The following PPARGC1A variants were observed in gnomAD, a reference collection of about 807,000 sequenced individuals.
The protein encoded by PPARGC1A is PPARG coactivator 1 alpha, also known as peroxisome proliferator-activated receptor gamma coactivator 1-alpha.
A neutral mutation model predicts 88.7 loss-of-function variants in PPARGC1A; 25 were observed. That is an observed-to-expected ratio of 0.28 (90% confidence interval 0.21 to 0.39). The LOEUF (loss-of-function observed/expected upper bound fraction) is 0.39. Ranked by LOEUF, PPARGC1A falls within the 10% of genes least tolerant of loss-of-function variation. The pLI is 1.00. For missense variants in PPARGC1A, 880 were observed against 968.7 expected, an observed-to-expected ratio of 0.91 and a Z score of 1.22; for synonymous variants, 363 against 355.6, an observed-to-expected ratio of 1.02 and a Z score of -0.24.
chr4:23,941,461 C>G, the PPARGC1A span, among the ~76,000 whole-genome samples: 1 of 152,100 alleles, frequency 6.6e-6, no homozygotes, highest in Admixed American at 6.5e-5. Context: ...ATCTGTCAGA[C>G]TCGATCAGAT....
At chr4:24,204,282 G>A in the PPARGC1A span, among the ~76,000 whole-genome samples, 1 of 152,168 alleles carries the variant, frequency 6.6e-6, no homozygotes, top group East Asian at 1.9e-4. Context: ...ATTCCACATG[G>A]AGTATTAGAA....
chr4:23,850,428 A>G (rs900151740), intron 2 of PPARGC1A, among the ~76,000 whole-genome samples: 1 of 152,224 alleles, frequency 6.6e-6, no homozygotes, highest in Non-Finnish European at 1.5e-5. Context: ...AGGGAACTAA[A>G]AGTAAACTCC....
chr4:23,831,175 T>A (rs551721933), intron 3 of PPARGC1A, among the ~76,000 whole-genome samples: 1 of 152,190 alleles, frequency 6.6e-6, no homozygotes, highest in Non-Finnish European at 1.5e-5. Flanking sequence ...CATATGCTCA[T>A]GATATATCTT....
the PPARGC1A span, among the ~76,000 whole-genome samples, chr4:24,204,506 G>T: frequency 6.6e-6 from 1 of 151,914 alleles, no homozygotes; most frequent in Admixed American, 6.6e-5. Context: ...GGGAGGGGAA[G>T]AGAGGGGAGG....
the PPARGC1A span, among the ~76,000 whole-genome samples, chr4:23,965,505 C>T: frequency 2.6e-5 from 4 of 152,110 alleles, no homozygotes; most frequent in East Asian, 1.9e-4. Context: ...TGTGCCTCTC[C>T]GTACAGAGGT....
the PPARGC1A span, among the ~76,000 whole-genome samples, chr4:24,192,581 T>C: frequency 6.6e-6 from 1 of 152,198 alleles, no homozygotes; most frequent in Non-Finnish European, 1.5e-5. Context: ...AAGTCTGCCG[T>C]GAATAAAGAG....
chr4:24,050,973 G>T, the PPARGC1A span, among the ~76,000 whole-genome samples: 2 of 152,102 alleles, frequency 1.3e-5, no homozygotes, highest in South Asian at 4.2e-4. Flanking sequence ...AGATCATGAG[G>T]TCAGGAGATG....
chr4:24,319,086 G>A, the PPARGC1A span, among the ~76,000 whole-genome samples: 9 of 152,168 alleles, frequency 5.9e-5, no homozygotes, highest in African/African-American at 2.2e-4. Flanking sequence ...GTGGCTTACG[G>A]TTGTAATCCC....
intron 12 of PPARGC1A, among the ~76,000 whole-genome samples, chr4:23,796,818 G>A (rs1470268980): frequency 1.3e-5 from 2 of 151,842 alleles, no homozygotes; most frequent in Admixed American, 1.3e-4. Context: ...TTTATTTGAA[G>A]GAAAACAAAA....
At chr4:24,455,352 G>A in the PPARGC1A span, among the ~76,000 whole-genome samples, 1 of 152,136 alleles carries the variant, frequency 6.6e-6, no homozygotes, top group Non-Finnish European at 1.5e-5. Context: ...TTTGTGGCTT[G>A]CGCCTGCAGT....
chr4:24,306,210 G>A, the PPARGC1A span, among the ~76,000 whole-genome samples: 1 of 152,072 alleles, frequency 6.6e-6, no homozygotes, highest in Non-Finnish European at 1.5e-5. Context: ...ATGGGATGGG[G>A]GTAAAATCTC....
the PPARGC1A span, among the ~76,000 whole-genome samples, chr4:23,977,701 A>AT: frequency 6.6e-6 from 1 of 152,190 alleles, no homozygotes. Flanking sequence ...TAAATTAAAT[A>AT]AAAAGAGAAA....
chr4:24,125,387 T>A, the PPARGC1A span, among the ~76,000 whole-genome samples: 1 of 152,058 alleles, frequency 6.6e-6, no homozygotes, highest in Non-Finnish European at 1.5e-5. Context: ...ATGCAACTAT[T>A]CACTCTCTTT....
the PPARGC1A span, among the ~76,000 whole-genome samples, chr4:24,212,979 G>A: frequency 6.6e-6 from 1 of 152,140 alleles, no homozygotes; most frequent in Non-Finnish European, 1.5e-5. Flanking sequence ...AGCACCTGAA[G>A]GTAGGCCTTT....
chr4:24,382,472 G>A, the PPARGC1A span, among the ~76,000 whole-genome samples: 5 of 152,020 alleles, frequency 3.3e-5, no homozygotes, highest in African/African-American at 4.8e-5. Flanking sequence ...AGAACAACTG[G>A]GGACCAAAAC....
the PPARGC1A span, among the ~76,000 whole-genome samples, chr4:24,338,161 C>T: frequency 2.0e-5 from 3 of 152,038 alleles, no homozygotes; most frequent in African/African-American, 4.8e-5. Context: ...TAAAGCAATG[C>T]GATCAGAAAT....
chr4:24,246,917 T>C, the PPARGC1A span, among the ~76,000 whole-genome samples: 1 of 152,198 alleles, frequency 6.6e-6, no homozygotes, highest in African/African-American at 2.4e-5. Context: ...GTTGGGTGCT[T>C]GCTAGGAAAG....
At chr4:24,114,123 C>CAAAAA in the PPARGC1A span, among the ~76,000 whole-genome samples, 113 of 60,798 alleles carry the variant, frequency 1.9e-3, 3 homozygotes, top group East Asian at 0.031. Context: ...GACTCCATCA[C>CAAAAA]AAAAAAAAAA....
the PPARGC1A span, among the ~76,000 whole-genome samples, chr4:24,405,293 T>C: frequency 2.0e-5 from 3 of 152,088 alleles, no homozygotes; most frequent in African/African-American, 7.2e-5. Flanking sequence ...GTTTTTTTTT[T>C]CAAGAAAAGA....
Sources: gnomAD v4.1 joint callset for allele counts (sites outside exome capture counted in the v4.1 genomes callset) on GRCh38, gnomAD v4.1.1 for gene constraint, MANE v1.5 for transcripts, NCBI Gene and HGNC (gene_info 2026-07-23, HGNC 2026-07-21) for gene names.